Variants in MYZAP observed in about 807,000 individuals in gnomAD.
MYZAP encodes myocardial zonula adherens protein.
Under a neutral mutation model 69.4 loss-of-function variants are expected in MYZAP, and 66 were observed. That is an observed-to-expected ratio of 0.95 (90% CI 0.78 to 1.17). The LOEUF (loss-of-function observed/expected upper bound fraction) is 1.17. Among genes scored for constraint, MYZAP ranks in the 50% most tolerant of loss-of-function variants. The pLI is 0.00. For missense variants in MYZAP, 611 were observed against 556.2 expected, an observed-to-expected ratio of 1.10 and a Z score of -0.99; for synonymous variants, 256 against 205.9, an observed-to-expected ratio of 1.24 and a Z score of -2.09.
intron 8 of MYZAP, among the ~76,000 whole-genome samples, chr15:57,635,781 G>A (rs1271665983): frequency 1.3e-5 from 2 of 152,214 alleles, no homozygotes; most frequent in African/African-American, 4.8e-5. Context: ...GGCAGTGTAC[G>A]TATCCTGCTC....
chr15:57,628,881 G>A (rs1296683924), intron 5 of MYZAP, among the ~76,000 whole-genome samples: 1 of 151,892 alleles, frequency 6.6e-6, no homozygotes, highest in Non-Finnish European at 1.5e-5. Context: ...TCAGGAGTTC[G>A]AGACCAGCCT....
At chr15:57,647,481 T>C (rs1456757131) in intron 10 of MYZAP, 3 of 985,356 alleles carry the variant, frequency 3.0e-6, no homozygotes, top group African/African-American at 1.7e-5. Context: ...GCAGCATTGA[T>C]TCATTGCCAA....
At chr15:57,634,549 G>T (rs769272806) in intron 8 of MYZAP, among the ~76,000 whole-genome samples, 1 of 152,310 alleles carries the variant, frequency 6.6e-6, no homozygotes, top group African/African-American at 2.4e-5. Context: ...CAGAGGTGGG[G>T]CAGCAAGAGC....
At chr15:57,614,712 G>T (rs144558397) in intron 2 of MYZAP, among the ~76,000 whole-genome samples, 4 of 152,210 alleles carry the variant, frequency 2.6e-5, no homozygotes, top group African/African-American at 9.6e-5. Context: ...TCCTACGGCT[G>T]GAGACCCTGG....
Position 57,610,525 on chromosome 15 carries a change from A to G in MYZAP, c.162+6170A>G, listed in dbSNP as rs560551261. The stretch of plus-strand genomic sequence containing the variant: ...AACAGCCCCTGGAGGATGGGGAGAG[A>G]CCTAGAGTTTGAGTCCCGGCTTCCT... On this transcript the variant is annotated intron_variant, in intron 2 of 12. Transcript: ENST00000267853. Among the ~76,000 whole-genome samples, 5 of 152,166 alleles carry G rather than the reference A, an allele frequency of 3.3e-5. No individual in the cohort carries two copies. In the South Asian group the frequency reaches 1.0e-3, roughly 32 times the overall value.
intron 2 of MYZAP, among the ~76,000 whole-genome samples, chr15:57,617,819 G>A (rs990341906): frequency 4.6e-5 from 7 of 152,182 alleles, no homozygotes; most frequent in Middle Eastern, 3.4e-3. Flanking sequence ...ATTAGCAAAC[G>A]GTGCTCTTCC....
chr15:57,600,598 C>G (rs1163540469), intron 1 of MYZAP, among the ~76,000 whole-genome samples: 1 of 152,068 alleles, frequency 6.6e-6, no homozygotes, highest in East Asian at 1.9e-4. Flanking sequence ...CCATGGGACC[C>G]CCTTTCTGAA....
chr15:57,623,691 C>T (rs1289834519), intron 4 of MYZAP, among the ~76,000 whole-genome samples: 1 of 150,786 alleles, frequency 6.6e-6, no homozygotes, highest in Non-Finnish European at 1.5e-5. Flanking sequence ...CAAGACTGTG[C>T]CACTGCACTC....
At chr15:57,592,563 G>A (rs888661916) in intron 1 of MYZAP, among the ~76,000 whole-genome samples, 1 of 152,094 alleles carries the variant, frequency 6.6e-6, no homozygotes, top group Non-Finnish European at 1.5e-5. Context: ...TCTGGAGTGG[G>A]GTTAGCCAAG....
intron 10 of MYZAP, among the ~76,000 whole-genome samples, chr15:57,660,726 A>G (rs1374654556): frequency 2.6e-5 from 4 of 152,222 alleles, no homozygotes; most frequent in African/African-American, 9.6e-5. Context: ...TATTATGCAT[A>G]ACACGGCCTG....
At chr15:57,659,823 C>T (rs2038191083) in intron 10 of MYZAP, among the ~76,000 whole-genome samples, 1 of 152,110 alleles carries the variant, frequency 6.6e-6, no homozygotes, top group South Asian at 2.1e-4. Context: ...ACCTATGTAA[C>T]AAGGCTTATG....
chr15:57,641,552 C>G (rs1286663770), intron 10 of MYZAP, among the ~76,000 whole-genome samples: 1 of 152,072 alleles, frequency 6.6e-6, no homozygotes, highest in Admixed American at 6.5e-5. Context: ...AAGGCCCAGT[C>G]GTTGGAAAGA....
chr15:57,602,976 CT>C (rs2034512933), intron 1 of MYZAP, among the ~76,000 whole-genome samples: 2 of 152,164 alleles, frequency 1.3e-5, no homozygotes, highest in African/African-American at 2.4e-5. Flanking sequence ...GACTTTGCCC[CT>C]AAGTCACCCT....
intron 10 of MYZAP, among the ~76,000 whole-genome samples, chr15:57,641,639 G>C (rs145092228): frequency 6.6e-6 from 1 of 152,140 alleles, no homozygotes; most frequent in African/African-American, 2.4e-5. Flanking sequence ...AGTGAATGTA[G>C]ACCACCACCA....
chr15:57,624,898 G>C (rs1170114029), intron 4 of MYZAP, among the ~76,000 whole-genome samples: 2 of 152,130 alleles, frequency 1.3e-5, no homozygotes, highest in East Asian at 1.9e-4. Context: ...GCTGCTTTCT[G>C]CTGCTCCCAG....
intron 10 of MYZAP, among the ~76,000 whole-genome samples, chr15:57,649,409 G>A (rs1252307990): frequency 6.6e-6 from 1 of 152,144 alleles, no homozygotes; most frequent in African/African-American, 2.4e-5. Flanking sequence ...GCATCTCATT[G>A]TTTTCATCTT....
Position 57,685,286 on chromosome 15 carries a change from C to T in MYZAP, c.*788C>T, listed in dbSNP as rs561013899. 2.5e-4 allele frequency: 38 copies of T among 152,244 alleles called. No individual in the cohort carries two copies. Among genetic ancestry groups the T allele is most frequent in the African/African-American group, 8.2e-4 (34 of 41,522 alleles). The allele number at this position is 152,244 out of a possible 1,614,324, so 9.4% of individuals were successfully genotyped here. On this transcript the variant is annotated 3_prime_UTR_variant, in exon 13 of 13. Transcript: ENST00000267853. ...TGTTTTTGTTAAACGAATGAATCATCTGTTCATGCATGCTCTACTTTGATA... is the reference window on the plus strand; with the variant it reads ...TGTTTTTGTTAAACGAATGAATCATTTGTTCATGCATGCTCTACTTTGATA...
chr15:57,682,858 C>T (rs1021359565), intron 12 of MYZAP, among the ~76,000 whole-genome samples: 12 of 152,162 alleles, frequency 7.9e-5, no homozygotes, highest in Admixed American at 5.9e-4. Flanking sequence ...CCGCTTTGCC[C>T]GCTTGATGAG....
At chr15:57,648,216 A>G (rs2037547046) in intron 10 of MYZAP, 4 of 985,366 alleles carry the variant, frequency 4.1e-6, no homozygotes, top group Non-Finnish European at 4.8e-6. Context: ...TGTTATATGT[A>G]TTATTTAAAA....
Sources: gnomAD v4.1 joint callset for allele counts (sites outside exome capture counted in the v4.1 genomes callset) on GRCh38, gnomAD v4.1.1 for gene constraint, MANE v1.5 for transcripts, NCBI Gene and HGNC (gene_info 2026-07-23, HGNC 2026-07-21) for gene names.